The following SLC32A1 variants were observed in gnomAD, a reference collection of about 807,000 sequenced individuals.
SLC32A1 encodes the protein vesicular inhibitory amino acid transporter.
Under a neutral mutation model 35.5 loss-of-function variants are expected in SLC32A1, and 8 were observed. The observed-to-expected ratio is 0.23, with a 90% CI of 0.13 to 0.41. The LOEUF (loss-of-function observed/expected upper bound fraction) is 0.41. Ranked by LOEUF, SLC32A1 falls within the 10% of genes least tolerant of loss-of-function variation. The pLI is 1.00. For synonymous variants in SLC32A1, 317 were observed against 326.3 expected (o/e 0.97, Z 0.31); for missense variants, 493 against 722.3 (o/e 0.68, Z 3.64).
Position 38,728,797 on chromosome 20 carries a change from G to T in SLC32A1, c.*158G>T. 4.7e-5 allele frequency: 18 copies of T among 378,968 alleles called. No individual in the cohort carries two copies. The highest frequency in any genetic ancestry group is 8.6e-4 in the Middle Eastern group (1 of 1,160). The allele number at this position is 378,968 out of a possible 1,614,324, so 23.5% of individuals were successfully genotyped here. A position where few individuals can be genotyped will look rare whatever the true frequency, so the allele number is the denominator to read the frequency against. ...GATTATTCGGGGATGGGGGGGATGG[G>T]AGGGGACAGGGATTCACGATCCATC... On this transcript the variant is annotated 3_prime_UTR_variant, in exon 2 of 2. Coordinates refer to ENST00000217420, the MANE Select transcript of SLC32A1 (RefSeq NM_080552.3).
chr20:38,724,858 C>T lies in SLC32A1; in HGVS notation c.134C>T (p.Ala45Val), dbSNP rs2084268524. 3 of 1,613,798 alleles carry T rather than the reference C, an allele frequency of 1.9e-6. No individual in the cohort carries two copies. Among genetic ancestry groups the T allele is most frequent in the African/African-American group, 1.3e-5 (1 of 74,944 alleles). The change falls in exon 1 of 2, where the codon GCG (alanine) becomes GTG (valine). Residue 45 changes from alanine to valine, a missense_variant. Physicochemically the swap from Ala to Val is moderately conservative, Grantham distance 64. This residue lies in a region of SLC32A1 where 133 missense variants were observed against 145.9 expected (regional missense o/e 0.91). Transcript: ENST00000217420. Reference protein sequence around the residue: ...AATDEEAVGFAHCDDLDFEHR... With the variant: ...AATDEEAVGFVHCDDLDFEHR... ...ACGGATGAGGAGGCGGTGGGCTTCG[C>T]GCATTGCGACGACCTCGACTTTGAG...
At position 38,728,798 on chromosome 20, in the gene SLC32A1, A is replaced by C; in HGVS notation, c.*159A>C. On this transcript the variant is annotated 3_prime_UTR_variant, in exon 2 of 2. Coordinates refer to ENST00000217420, the MANE Select transcript of SLC32A1 (RefSeq NM_080552.3). Reference sequence around the variant, plus strand: ...ATTATTCGGGGATGGGGGGGATGGGAGGGGACAGGGATTCACGATCCATCG... The same window carrying C: ...ATTATTCGGGGATGGGGGGGATGGGCGGGGACAGGGATTCACGATCCATCG... 1 of 341,604 alleles carries C rather than the reference A, an allele frequency of 2.9e-6. No homozygotes were observed. 21.2% of individuals were successfully genotyped at this position (341,604 alleles called of 1,614,324 possible).
At position 38,724,705 on chromosome 20, in the gene SLC32A1, C is replaced by T. The variant is rs192140991; in HGVS notation, c.-20C>T. 999 of 1,583,978 alleles carry T rather than the reference C, an allele frequency of 6.3e-4. 15 individuals carry two copies. The African/African-American group carries it at 0.012, about 19-fold the overall frequency. ...GCATCCTCGGGTCCTTCTGTCCTTTCCGCTGTCCCCACCGCCGCCATGGCC... is the reference window on the plus strand; with the variant it reads ...GCATCCTCGGGTCCTTCTGTCCTTTTCGCTGTCCCCACCGCCGCCATGGCC... On this transcript the variant is annotated 5_prime_UTR_variant, in exon 1 of 2. Coordinates refer to ENST00000217420, the MANE Select transcript of SLC32A1 (RefSeq NM_080552.3).
chr20:38,727,643 C>G lies in SLC32A1; in HGVS notation c.582C>G (p.Cys194Trp). 6.2e-7 allele frequency: 1 copy of G among 1,614,018 alleles called. No homozygotes were observed. Among genetic ancestry groups the G allele is most frequent in the Non-Finnish European group, 8.5e-7 (1 of 1,180,046 alleles). ...DSYVAIANAC[C>W]APRFPTLGGR... ...ACGTGGCCATAGCCAACGCCTGCTG[C>G]GCCCCGCGCTTCCCAACGCTGGGCG... The change falls in exon 2 of 2, where the codon TGC (cysteine) becomes TGG (tryptophan). Residue 194 changes from cysteine (C) to tryptophan (W), a missense_variant. Cys to Trp is a radical substitution (Grantham distance 215). Coordinates refer to ENST00000217420, the MANE Select transcript of SLC32A1 (RefSeq NM_080552.3).
At position 38,728,933 on chromosome 20, in the gene SLC32A1, T is replaced by G; in HGVS notation, c.*294T>G. On this transcript the variant is annotated 3_prime_UTR_variant, in exon 2 of 2. Transcript: ENST00000217420. ...TCCTTCCAAGTGGGGCCCCGACACT[T>G]TGGTTCCAGTCATCGAGGGGGTTGG... is the stretch of plus-strand genomic sequence containing the variant. 1 of 374,974 alleles carries G rather than the reference T, an allele frequency of 2.7e-6. No individual in the cohort carries two copies. Among genetic ancestry groups the G allele is most frequent in the South Asian group, 6.3e-5 (1 of 15,976 alleles). 23.2% of individuals were successfully genotyped at this position (374,974 alleles called of 1,614,324 possible).
chr20:38,728,641 G>A lies in SLC32A1; in HGVS notation c.*2G>A, dbSNP rs1397642776. The A allele has an allele frequency of 1.9e-6, 3 of 1,586,030 alleles. No homozygotes were observed. The highest frequency in any genetic ancestry group is 1.1e-5 in the South Asian group (1 of 88,248). ...TACCGAACCAACGCGGAGGACTAGG[G>A]CGCAAGGGCGAGCCCCCGCCGCGCT... On this transcript the variant is annotated 3_prime_UTR_variant, in exon 2 of 2. Coordinates refer to ENST00000217420, the MANE Select transcript of SLC32A1 (RefSeq NM_080552.3).
In SLC32A1 at chr20:38,728,199, G is replaced by A; in HGVS notation, c.1138G>A (p.Ala380Thr). Residue 380 changes from alanine (A) to threonine (T), a missense_variant, in exon 2 of 2, where the codon GCC becomes ACC. Physicochemically the swap from Ala to Thr is moderately conservative, Grantham distance 58. Around this residue, in one of 4 missense-constraint regions of SLC32A1, gnomAD observed 269 missense variants for 445.6 expected, o/e 0.60. Transcript: ENST00000217420. ...ITDNLPGSIRAVVNIFLVAKA... is the reference protein window; with the variant it reads ...ITDNLPGSIRTVVNIFLVAKA... The stretch of plus-strand genomic sequence containing the variant: ...GGATAACCTGCCCGGCTCCATCCGC[G>A]CCGTGGTCAACATCTTTCTGGTGGC... 6.2e-7 allele frequency: 1 copy of A among 1,614,136 alleles called. No homozygotes were observed. Among genetic ancestry groups the A allele is most frequent in the Non-Finnish European group, 8.5e-7 (1 of 1,180,028 alleles).
Position 38,728,928 on chromosome 20 carries a change from A to C in SLC32A1, c.*289A>C. On this transcript the variant is annotated 3_prime_UTR_variant, in exon 2 of 2. Coordinates refer to ENST00000217420, the MANE Select transcript of SLC32A1 (RefSeq NM_080552.3). Reference sequence around the variant, plus strand: ...CTCTGTCCTTCCAAGTGGGGCCCCGACACTTTGGTTCCAGTCATCGAGGGG... The same window carrying C: ...CTCTGTCCTTCCAAGTGGGGCCCCGCCACTTTGGTTCCAGTCATCGAGGGG... 3 of 357,768 alleles carry C rather than the reference A, an allele frequency of 8.4e-6. No homozygotes were observed. Among genetic ancestry groups the C allele is most frequent in the Non-Finnish European group, 5.1e-6 (1 of 197,662 alleles). 22.2% of individuals were successfully genotyped at this position (357,768 alleles called of 1,614,324 possible). A position where few individuals can be genotyped will look rare whatever the true frequency, so the allele number is the denominator to read the frequency against.
rs920739410 is a variant in SLC32A1, at chr20:38,728,880, G to A, written c.*241G>A. The A allele has an allele frequency of 1.9e-6, 1 of 514,128 alleles. No homozygotes were observed. The highest frequency in any genetic ancestry group is 3.4e-6 in the Non-Finnish European group (1 of 294,478). 31.8% of individuals were successfully genotyped at this position (514,128 alleles called of 1,614,324 possible). A position where few individuals can be genotyped will look rare whatever the true frequency, so the allele number is the denominator to read the frequency against. ...CAACACCCTGGTTTTGGGGGGAGGC[G>A]GGGTGCATTTGCGGGCAGGGTTCTC... On this transcript the variant is annotated 3_prime_UTR_variant, in exon 2 of 2. Coordinates refer to ENST00000217420, the MANE Select transcript of SLC32A1 (RefSeq NM_080552.3).
At position 38,726,845 on chromosome 20, in the gene SLC32A1, C is replaced by A. The variant is rs916217411; in HGVS notation, c.391-607C>A. Among the ~76,000 whole-genome samples the A allele has an allele frequency of 3.3e-5, 5 of 152,104 alleles. No individual in the cohort carries two copies. Among genetic ancestry groups the A allele is most frequent in the African/African-American group, 1.2e-4 (5 of 41,412 alleles). On this transcript the variant is annotated intron_variant, in intron 1 of 1. Coordinates refer to ENST00000217420, the MANE Select transcript of SLC32A1 (RefSeq NM_080552.3). This position sits in a 1 kb window ranked among gnomAD's most constrained non-coding sequence, Gnocchi z 4.7. Reference sequence around the variant, plus strand: ...CCCAGGGGCTTTGCCCCACCTTCAGCCCCTCTCCCTCTCTACCCTATTTCC... The same window carrying A: ...CCCAGGGGCTTTGCCCCACCTTCAGACCCTCTCCCTCTCTACCCTATTTCC...
At chr20:38,727,404 T>C in intron 1 of SLC32A1, 48 bp from the exon 2 acceptor site, 1 of 1,567,776 alleles carries the variant, frequency 6.4e-7, no homozygotes. Flanking sequence ...CCTCATCCGT[T>C]GCCAAGTTCG....
chr20:38,724,812 AG>A lies in SLC32A1; in HGVS notation c.90del (p.Met31TrpfsTer33). On this transcript the variant is annotated frameshift_variant, in exon 1 of 2. Coordinates refer to ENST00000217420, the MANE Select transcript of SLC32A1 (RefSeq NM_080552.3). LOFTEE classifies it high-confidence loss of function. ...SQAKMSGMFA[R>X]MGFQAATDEE... ...GGCCAAGATGAGCGGCATGTTCGCCAGGATGGGTTTTCAGGCGGCCACGGAT... is the reference window on the plus strand; with the variant it reads ...GGCCAAGATGAGCGGCATGTTCGCCAGATGGGTTTTCAGGCGGCCACGGAT... The A allele has an allele frequency of 6.2e-7, 1 of 1,613,998 alleles. No individual in the cohort carries two copies. Among genetic ancestry groups the A allele is most frequent in the Non-Finnish European group, 8.5e-7 (1 of 1,180,004 alleles).
chr20:38,727,599 G>A lies in SLC32A1; in HGVS notation c.538G>A (p.Val180Met), dbSNP rs2084281715. 2 of 1,612,670 alleles carry A rather than the reference G, an allele frequency of 1.2e-6. No individual in the cohort carries two copies. The highest frequency in any genetic ancestry group is 1.7e-6 in the Non-Finnish European group (2 of 1,180,038). Reference sequence around the variant, plus strand: ...CGAGGAGAATGAAGACGGCGAGGTGGTGCGCGTGCGGGACTCGTACGTGGC... The same window carrying A: ...CGAGGAGAATGAAGACGGCGAGGTGATGCGCGTGCGGGACTCGTACGTGGC... ...LYEENEDGEV[V>M]RVRDSYVAIA... is the part of the protein sequence containing the mutation. The change falls in exon 2 of 2, where the codon GTG becomes ATG. Residue 180 changes from valine (V) to methionine (M), a missense_variant. Around this residue, in one of 4 missense-constraint regions of SLC32A1, gnomAD observed 46 missense variants for 39.7 expected, o/e 1.16. Transcript: ENST00000217420.
At position 38,724,929 on chromosome 20, in the gene SLC32A1, C is replaced by A; in HGVS notation, c.205C>A (p.Pro69Thr). 1 of 1,612,580 alleles carries A rather than the reference C, an allele frequency of 6.2e-7. No individual in the cohort carries two copies. Among genetic ancestry groups the A allele is most frequent in the Non-Finnish European group, 8.5e-7 (1 of 1,179,240 alleles). ...GGACATCCTGAAAGCCGAGGGAGAGCCCTGCGGGGACGAGGGCGCTGAAGC... is the reference window on the plus strand; with the variant it reads ...GGACATCCTGAAAGCCGAGGGAGAGACCTGCGGGGACGAGGGCGCTGAAGC... The part of the protein sequence containing the change: ...QMDILKAEGE[P>T]CGDEGAEAPV... Residue 69 changes from proline (P) to threonine (T), a missense_variant, in exon 1 of 2, where the codon CCC becomes ACC. Transcript: ENST00000217420.
intron 1 of SLC32A1, among the ~76,000 whole-genome samples, chr20:38,725,716 G>C (rs537339828): frequency 6.6e-6 from 1 of 152,212 alleles, no homozygotes; most frequent in South Asian, 2.1e-4. Context: ...ACAAACAAAA[G>C]CATATACCTG....
At position 38,725,002 on chromosome 20, in the gene SLC32A1, T is replaced by G; in HGVS notation, c.278T>G (p.Leu93Arg). The G allele has an allele frequency of 6.3e-7, 1 of 1,576,332 alleles. No homozygotes were observed. The highest frequency in any genetic ancestry group is 8.6e-7 in the Non-Finnish European group (1 of 1,161,568). The change falls in exon 1 of 2, where the codon CTG (leucine) becomes CGG (arginine). Residue 93 changes from leucine to arginine, a missense_variant. Leu to Arg is a moderately radical substitution (Grantham distance 102). Transcript: ENST00000217420. Reference sequence around the variant, plus strand: ...TATCAGCGAGGCAGCGGAGCTCCTCTGCCGCCCTCCGGCTCCAAGGACCAG... The same window carrying G: ...TATCAGCGAGGCAGCGGAGCTCCTCGGCCGCCCTCCGGCTCCAAGGACCAG... ...IHYQRGSGAP[L>R]PPSGSKDQVG...
rs2084269089 is a variant in SLC32A1, at chr20:38,724,949, T to G, written c.225T>G (p.Ala75=). The change falls in exon 1 of 2, where the codon GCT becomes GCG. Residue 75 remains alanine, a synonymous_variant. Transcript: ENST00000217420. ...AEGEPCGDEG[A]EAPVEGDIHY... ...GAGAGCCCTGCGGGGACGAGGGCGC[T>G]GAAGCGCCCGTCGAGGGAGACATCC... 1 of 1,606,892 alleles carries G rather than the reference T, an allele frequency of 6.2e-7. No homozygotes were observed.
In SLC32A1 at chr20:38,729,302, A is replaced by C. The variant is rs2084290966; in HGVS notation, c.*663A>C. On this transcript the variant is annotated 3_prime_UTR_variant, in exon 2 of 2. Coordinates refer to ENST00000217420, the MANE Select transcript of SLC32A1 (RefSeq NM_080552.3). ...TGGTGAATAAGATGAAATGTATATC[A>C]GAAAAAAATCTATCTCTAATTTAGA... is the stretch of plus-strand genomic sequence containing the variant. The C allele has an allele frequency of 6.6e-6, 1 of 152,670 alleles. No individual in the cohort carries two copies. 9.5% of individuals were successfully genotyped at this position (152,670 alleles called of 1,614,324 possible). A position where few individuals can be genotyped will look rare whatever the true frequency, so the allele number is the denominator to read the frequency against.
In SLC32A1 at chr20:38,728,264, T is replaced by C; in HGVS notation, c.1203T>C (p.Ala401=). Residue 401 remains alanine, a synonymous_variant, in exon 2 of 2, where the codon GCT becomes GCC. Transcript: ENST00000217420. Reference sequence around the variant, plus strand: ...CCTATCCTCTGCCATTCTTTGCCGCTGTCGAGGTGCTGGAGAAGTCGCTCT... The same window carrying C: ...CCTATCCTCTGCCATTCTTTGCCGCCGTCGAGGTGCTGGAGAAGTCGCTCT... ...LLSYPLPFFA[A]VEVLEKSLFQ... 1 of 1,613,994 alleles carries C rather than the reference T, an allele frequency of 6.2e-7. No homozygotes were observed. The highest frequency in any genetic ancestry group is 8.5e-7 in the Non-Finnish European group (1 of 1,179,854).
Sources: allele counts gnomAD v4.1 joint callset (sites outside exome capture counted in the v4.1 genomes callset), GRCh38; gene constraint gnomAD v4.1.1; regional missense constraint gnomAD v4.1.1; non-coding constraint Gnocchi (gnomAD v3.1); transcripts MANE v1.5; gene names NCBI Gene and HGNC (gene_info 2026-07-23, HGNC 2026-07-21).